Variants in ULK4 observed in about 807,000 individuals in gnomAD.
ULK4 encodes unc-51 like kinase 4.
ULK4 carries 133 observed loss-of-function variants against 160.6 expected under a neutral mutation model. That is an observed-to-expected ratio of 0.83 (90% CI 0.72 to 0.96). ULK4 has a LOEUF of 0.96. Ranked by LOEUF, ULK4 falls within the 40% of genes least tolerant of loss-of-function variation. The pLI, the probability that ULK4 is intolerant of heterozygous loss-of-function variation, is 0.00. For synonymous variants in ULK4, 534 were observed against 539.8 expected, an observed-to-expected ratio of 0.99 and a Z score of 0.15; for missense variants, 1,580 against 1,499.5, an observed-to-expected ratio of 1.05 and a Z score of -0.89.
intron 21 of ULK4, among the ~76,000 whole-genome samples, chr3:41,762,408 A>G (rs902039164): frequency 1.3e-5 from 2 of 152,192 alleles, no homozygotes; most frequent in African/African-American, 4.8e-5. Context: ...TTAAAAAATA[A>G]GAAAAAAAGT....
At chr3:41,367,622 T>C (rs17056384) in intron 35 of ULK4, among the ~76,000 whole-genome samples, 2,590 of 152,280 alleles carry the variant, frequency 0.017, 94 homozygotes, top group African/African-American at 0.058. Context: ...TATGGTGGTA[T>C]GTGGTCTTCT....
intron 17 of ULK4, among the ~76,000 whole-genome samples, chr3:41,865,075 C>G (rs1473110038): frequency 6.6e-6 from 1 of 151,872 alleles, no homozygotes; most frequent in African/African-American, 2.4e-5. Flanking sequence ...AGTTCAAGAC[C>G]AGCCTGGCCA....
At chr3:41,794,151 A>C (rs1419174223) in intron 20 of ULK4, among the ~76,000 whole-genome samples, 3 of 152,052 alleles carry the variant, frequency 2.0e-5, no homozygotes, top group Admixed American at 6.5e-5. Context: ...GAGCCAAGAG[A>C]TCATTAGGAG....
At chr3:41,341,796 A>G (rs1462959295) in intron 35 of ULK4, among the ~76,000 whole-genome samples, 1 of 152,198 alleles carries the variant, frequency 6.6e-6, no homozygotes, top group Non-Finnish European at 1.5e-5. Context: ...TTACTTTCCT[A>G]TGAAGGGTGA....
At chr3:41,748,450 T>C (rs1575645159) in intron 22 of ULK4, among the ~76,000 whole-genome samples, 1 of 152,146 alleles carries the variant, frequency 6.6e-6, no homozygotes, top group South Asian at 2.1e-4. Flanking sequence ...TATTCTGCCA[T>C]AATACTGTGC....
intron 32 of ULK4, among the ~76,000 whole-genome samples, chr3:41,473,184 A>T (rs1402141985): frequency 3.3e-5 from 5 of 152,212 alleles, no homozygotes; most frequent in African/African-American, 9.7e-5. Context: ...CCAGAGGAAC[A>T]CAAGGATGCC....
chr3:41,763,846 G>A (rs1171788053), intron 21 of ULK4, among the ~76,000 whole-genome samples: 1 of 152,192 alleles, frequency 6.6e-6, no homozygotes, highest in Admixed American at 6.5e-5. Context: ...TTGTTTCACA[G>A]CCTCACCAAC....
chr3:41,907,463 ATTT>A (rs71989991), intron 12 of ULK4, among the ~76,000 whole-genome samples: 142 of 151,184 alleles, frequency 9.4e-4, no homozygotes, highest in African/African-American at 3.4e-3. Context: ...AACCCAGCTA[ATTT>A]TTTTTTATTT....
At chr3:41,279,255 T>TAAAAAAAAAAAAAA (rs771175184) in intron 35 of ULK4, among the ~76,000 whole-genome samples, 12 of 43,020 alleles carry the variant, frequency 2.8e-4, no homozygotes, top group East Asian at 1.1e-3. Flanking sequence ...AAAAAAAGAG[T>TAAAAAAAAAAAAAA]AAAAAAAAAA....
intron 35 of ULK4, among the ~76,000 whole-genome samples, chr3:41,343,398 G>A (rs866139302): frequency 6.9e-6 from 1 of 145,694 alleles, no homozygotes; most frequent in East Asian, 2.1e-4. Flanking sequence ...TCTGCCTCCC[G>A]GGTTCCAGTG....
At chr3:41,456,127 C>A (rs2083546471) in intron 33 of ULK4, among the ~76,000 whole-genome samples, 1 of 152,180 alleles carries the variant, frequency 6.6e-6, no homozygotes. Context: ...CCAGGCAGGT[C>A]TCTAACTCCT....
intron 21 of ULK4, among the ~76,000 whole-genome samples, chr3:41,765,997 G>A (rs372323325): frequency 5.9e-5 from 9 of 152,302 alleles, no homozygotes; most frequent in Admixed American, 2.6e-4. Context: ...TAGGCCAGGC[G>A]TGGTGGCTCA....
chr3:41,470,368 T>C (rs2083957571), intron 32 of ULK4, among the ~76,000 whole-genome samples: 1 of 152,208 alleles, frequency 6.6e-6, no homozygotes, highest in Non-Finnish European at 1.5e-5. Context: ...AAGAATATTT[T>C]ACCCAATAAA....
chr3:41,253,443 T>A (rs879841957), intron 35 of ULK4, among the ~76,000 whole-genome samples: 1 of 151,822 alleles, frequency 6.6e-6, no homozygotes, highest in Non-Finnish European at 1.5e-5. Context: ...AATATTGTCA[T>A]AAGTAGACTC....
chr3:41,924,606 T>G (rs759068325), intron 5 of ULK4, among the ~76,000 whole-genome samples: 1 of 152,210 alleles, frequency 6.6e-6, no homozygotes, highest in African/African-American at 2.4e-5. Flanking sequence ...ACACAATAAT[T>G]CAGAACTTCA....
At chr3:41,821,707 C>T (rs566857131) in intron 18 of ULK4, among the ~76,000 whole-genome samples, 36 of 151,028 alleles carry the variant, frequency 2.4e-4, no homozygotes, top group African/African-American at 8.5e-4. Context: ...GAAAACAAGA[C>T]CCTCCTCATC....
chr3:41,747,247 A>T (rs897439167), intron 22 of ULK4, among the ~76,000 whole-genome samples: 2 of 151,946 alleles, frequency 1.3e-5, no homozygotes. Context: ...TGCAAACCGT[A>T]TATCTGACAG....
chr3:41,922,214 G>A lies in ULK4; in HGVS notation c.542-2396C>T, dbSNP rs138696207. Among the ~76,000 whole-genome samples the A allele has an allele frequency of 7.4e-3, 1,123 of 152,250 alleles. 15 individuals carry two copies. Among genetic ancestry groups the A allele is most frequent in the African/African-American group, 0.026 (1,079 of 41,550 alleles). On this transcript the variant is annotated intron_variant, in intron 5 of 36. Transcript: ENST00000301831. ...AAAATAAAATAAGAAAGGGTTAGGT[G>A]TGGTGGCACAAGCCTGTACTCCTAG...
At chr3:41,841,741 G>A (rs1408859227) in intron 17 of ULK4, among the ~76,000 whole-genome samples, 2 of 152,114 alleles carry the variant, frequency 1.3e-5, no homozygotes, top group African/African-American at 4.8e-5. Flanking sequence ...GATTGTTACT[G>A]TGTCTGTGTA....
Sources: allele counts gnomAD v4.1 joint callset (sites outside exome capture counted in the v4.1 genomes callset), GRCh38; gene constraint gnomAD v4.1.1; transcripts MANE v1.5; gene names NCBI Gene and HGNC (gene_info 2026-07-23, HGNC 2026-07-21).